Variants in ADGRA1 observed in about 807,000 individuals in gnomAD.
ADGRA1 encodes the protein adhesion G protein-coupled receptor A1.
ADGRA1 carries 12 observed loss-of-function variants against 21.3 expected under a neutral mutation model. The ratio of observed to expected loss-of-function variants is 0.56; its 90% CI spans 0.36 to 0.91. ADGRA1 has a LOEUF of 0.91. Ranked by LOEUF, ADGRA1 falls within the 40% of genes least tolerant of loss-of-function variation. ADGRA1 has a pLI of 0.01. For missense variants in ADGRA1, 790 were observed against 805.6 expected (o/e 0.98, Z 0.23); for synonymous variants, 385 against 368.8 (o/e 1.04, Z -0.50).
chr10:133,113,044 G>A lies in ADGRA1; in HGVS notation c.401+10202G>A, dbSNP rs565309483. Among the ~76,000 whole-genome samples the A allele has an allele frequency of 8.3e-4, 70 of 84,834 alleles. 1 individual carries two copies. The highest frequency in any genetic ancestry group is 9.8e-4 in the Admixed American group (7 of 7,142). The allele number at this position is 84,834 out of a possible 152,430, so 55.7% of individuals were successfully genotyped here. A position where few individuals can be genotyped will look rare whatever the true frequency, so the allele number is the denominator to read the frequency against. ...GTCTGCGGGCCGCGTCAGTTATTTG[G>A]GGTCTATAAGCTGTGTCAGTTATTT... On this transcript the variant is annotated intron_variant, in intron 5 of 6. Transcript: ENST00000392607.
intron 2 of ADGRA1, among the ~76,000 whole-genome samples, chr10:133,092,192 C>T (rs906165752): frequency 6.6e-6 from 1 of 152,206 alleles, no homozygotes; most frequent in Non-Finnish European, 1.5e-5. Flanking sequence ...TGGTCGGTCG[C>T]GCGTACGAAC....
At chr10:133,111,213 CACCACA>C in intron 5 of ADGRA1, among the ~76,000 whole-genome samples, 1 of 137,484 alleles carries the variant, frequency 7.3e-6, no homozygotes, top group East Asian at 2.4e-4. Context: ...ACAACCTGCC[CACCACA>C]GGCACCTCCC....
chr10:133,098,634 C>T lies in ADGRA1; in HGVS notation c.132-6C>T. ...TCATGTGAAACCCTCCTTTCCCGTC[C>T]CACAGCGCCATCCGCATCAGCCGCA... On this transcript the variant is annotated splice_region_variant and splice_polypyrimidine_tract_variant and intron_variant, in intron 3 of 6. Transcript: ENST00000392607. The T allele has an allele frequency of 6.2e-7, 1 of 1,607,048 alleles. No homozygotes were observed. The highest frequency in any genetic ancestry group is 8.5e-7 in the Non-Finnish European group (1 of 1,179,240).
At chr10:133,127,899 CTG>C (rs1852411771) in intron 6 of ADGRA1, among the ~76,000 whole-genome samples, 1 of 126,274 alleles carries the variant, frequency 7.9e-6, no homozygotes, top group Non-Finnish European at 1.7e-5. Context: ...CCACCCCACG[CTG>C]GCCACGCCCA....
chr10:133,128,506 C>A lies in ADGRA1; in HGVS notation c.678C>A (p.Gly226=). 6.5e-7 allele frequency: 1 copy of A among 1,549,326 alleles called. No homozygotes were observed. The highest frequency in any genetic ancestry group is 1.4e-5 in the African/African-American group (1 of 73,052). ...EEQRRLATPE[G]GRGIRPGTPP... ...AGCGGCGGCTGGCGACACCCGAGGG[C>A]GGCCGTGGGATCCGGCCAGGCACCC... Residue 226 remains glycine, a synonymous_variant, in exon 7 of 7, where the codon GGC becomes GGA. Transcript: ENST00000392607.
intron 2 of ADGRA1, chr10:133,095,521 C>T (rs7901409): frequency 6.2e-5 from 69 of 1,120,048 alleles, no homozygotes; most frequent in African/African-American, 5.4e-4. Context: ...CCTTCGCCCT[C>T]GCACAGGTCC....
Position 133,128,749 on chromosome 10 carries a change from C to T in ADGRA1, c.921C>T (p.Cys307=), listed in dbSNP as rs747334633. Residue 307 remains cysteine (C), a synonymous_variant, in exon 7 of 7, where the codon TGC becomes TGT. Coordinates refer to ENST00000392607, the MANE Select transcript of ADGRA1 (RefSeq NM_001083909.3). ...GACTCTTCGTGCTCATCCACCACTG[C>T]GCCAAGCGTGAGGACGTGTGGCAGT... is the stretch of plus-strand genomic sequence containing the variant. ...TLGLFVLIHH[C]AKREDVWQCW... The T allele has an allele frequency of 1.9e-5, 31 of 1,611,886 alleles. No individual in the cohort carries two copies. The highest frequency in any genetic ancestry group is 4.0e-5 in the African/African-American group (3 of 74,894).
rs1050875005 is a variant in ADGRA1, at chr10:133,109,026, A to C, written c.401+6184A>C. On this transcript the variant is annotated intron_variant, in intron 5 of 6. Coordinates refer to ENST00000392607, the MANE Select transcript of ADGRA1 (RefSeq NM_001083909.3). ...CGTCCATCAGTCCCACAAAGGAACC[A>C]GCTCCACTTGGCCCCAGCTCCACCC... Among the ~76,000 whole-genome samples the C allele has an allele frequency of 2.7e-5, 4 of 145,898 alleles. No homozygotes were observed. In the East Asian group the frequency reaches 8.5e-4, roughly 31 times the overall value.
rs192058336 is a variant in ADGRA1 at position 133,095,570 on chromosome 10, C to T, written c.4-1404C>T. On this transcript the variant is annotated intron_variant, in intron 2 of 6. Transcript: ENST00000392607. ...CGGGATGCAGGGCCCCTCCGGTGCC[C>T]GCCTGGCCAGTGCTGTTCGAACCCT... 540 of 1,458,952 alleles carry T rather than the reference C, an allele frequency of 3.7e-4. 4 individuals are homozygous for T. The East Asian group carries it at 0.01, about 28-fold the overall frequency. The allele number at this position is 1,458,952 out of a possible 1,614,324, so 90.4% of individuals were successfully genotyped here. A position where few individuals can be genotyped will look rare whatever the true frequency, so the allele number is the denominator to read the frequency against.
chr10:133,102,542 G>A (rs771771114), intron 4 of ADGRA1, among the ~76,000 whole-genome samples, 155 bp from the exon 5 acceptor site: 1 of 152,212 alleles, frequency 6.6e-6, no homozygotes, highest in Non-Finnish European at 1.5e-5. Flanking sequence ...TGTGAGTTCT[G>A]GGCGGCTGTG....
At chr10:133,118,967 TCA>T (rs202167844) in intron 5 of ADGRA1, among the ~76,000 whole-genome samples, 1 of 151,538 alleles carries the variant, frequency 6.6e-6, no homozygotes, top group African/African-American at 2.4e-5. Flanking sequence ...TGCATTTACA[TCA>T]CACACACGCA....
chr10:133,128,515 G>C lies in ADGRA1; in HGVS notation c.687G>C (p.Gly229=), dbSNP rs1362130569. 5 of 1,547,438 alleles carry C rather than the reference G, an allele frequency of 3.2e-6. No individual in the cohort carries two copies. Among genetic ancestry groups the C allele is most frequent in the Non-Finnish European group, 4.4e-6 (5 of 1,147,294 alleles). The change falls in exon 7 of 7, where the codon GGG becomes GGC. Residue 229 remains glycine, a synonymous_variant. Transcript: ENST00000392607. ...TGGCGACACCCGAGGGCGGCCGTGG[G>C]ATCCGGCCAGGCACCCCACCCGCAC... ...RRLATPEGGR[G]IRPGTPPAHD... is the part of the protein sequence containing the mutation.
At chr10:133,126,103 G>C (rs972959667) in intron 5 of ADGRA1, among the ~76,000 whole-genome samples, 2 of 152,192 alleles carry the variant, frequency 1.3e-5, no homozygotes, top group African/African-American at 2.4e-5. Context: ...TCCGCAGCAC[G>C]GACCCTCGGC....
In ADGRA1 at chr10:133,093,239, C is replaced by T. The variant is rs376289159; in HGVS notation, c.4-3735C>T. The T allele has an allele frequency of 1.9e-6, 3 of 1,588,430 alleles. No individual in the cohort carries two copies. The African/African-American group carries it at 4.0e-5, about 21-fold the overall frequency. The stretch of plus-strand genomic sequence containing the variant: ...CAGGTTTGAAGAGGTCACTTTCCCA[C>T]CTCTCACTGCTGCAGAAAGGTTAAG... On this transcript the variant is annotated intron_variant, in intron 2 of 6. Coordinates refer to ENST00000392607, the MANE Select transcript of ADGRA1 (RefSeq NM_001083909.3).
chr10:133,116,835 G>A (rs547926084), intron 5 of ADGRA1, among the ~76,000 whole-genome samples: 3 of 152,232 alleles, frequency 2.0e-5, no homozygotes, highest in South Asian at 4.2e-4. Context: ...GTGGGCAGGC[G>A]CCTCGAGCAG....
chr10:133,128,703 G>A lies in ADGRA1; in HGVS notation c.875G>A (p.Gly292Asp), dbSNP rs756479585. 11 of 1,611,946 alleles carry A rather than the reference G, an allele frequency of 6.8e-6. No individual in the cohort carries two copies. Among genetic ancestry groups the A allele is most frequent in the Non-Finnish European group, 3.4e-6 (4 of 1,179,664 alleles). The change falls in exon 7 of 7, where the codon GGC (glycine) becomes GAC (aspartate). Residue 292 changes from glycine (G) to aspartate (D), a missense_variant. This residue lies in a region of ADGRA1 where 382 missense variants were observed against 415.6 expected (regional missense o/e 0.92). Coordinates refer to ENST00000392607, the MANE Select transcript of ADGRA1 (RefSeq NM_001083909.3). ...FLDMVFSCLYGAFCVTLGLFV... is the reference protein window; with the variant it reads ...FLDMVFSCLYDAFCVTLGLFV... ...GACATGGTCTTCAGCTGCCTGTACG[G>A]CGCCTTCTGCGTGACCCTGGGACTC...
chr10:133,089,136 A>G (rs1195295586), intron 2 of ADGRA1: 8 of 756,532 alleles, frequency 1.1e-5, no homozygotes, highest in Non-Finnish European at 1.4e-5. Flanking sequence ...TGATCATACT[A>G]ATGAGTTGCA....
Position 133,088,730 on chromosome 10 carries a change from G to T in ADGRA1, c.-180G>T. ...CAGATGGGAGCAGCTCCCGGACTGC[G>T]CCCGCCCCGCCGCGGTCACCCTGAG... On this transcript the variant is annotated 5_prime_UTR_variant, in exon 2 of 7. Transcript: ENST00000392607. 3.3e-6 allele frequency: 4 copies of T among 1,229,810 alleles called. No individual in the cohort carries two copies. The highest frequency in any genetic ancestry group is 4.1e-6 in the Non-Finnish European group (4 of 987,180). 76.2% of individuals were successfully genotyped at this position (1,229,810 alleles called of 1,614,324 possible). A position where few individuals can be genotyped will look rare whatever the true frequency, so the allele number is the denominator to read the frequency against.
chr10:133,094,339 CT>C (rs1851651781), intron 2 of ADGRA1, among the ~76,000 whole-genome samples: 1 of 152,246 alleles, frequency 6.6e-6, no homozygotes, highest in Non-Finnish European at 1.5e-5. Flanking sequence ...GCTAAGTCTC[CT>C]TCTGGCCCTG....
Sources: gnomAD v4.1 joint callset for allele counts (sites outside exome capture counted in the v4.1 genomes callset) on GRCh38, gnomAD v4.1.1 for gene constraint, gnomAD v4.1.1 regional missense constraint, MANE v1.5 for transcripts, NCBI Gene and HGNC (gene_info 2026-07-23, HGNC 2026-07-21) for gene names.